The following IPCEF1 variants were observed in gnomAD, a reference collection of about 807,000 sequenced individuals.
The protein encoded by IPCEF1 is interactor protein for cytohesin exchange factors 1.
Under a neutral mutation model 50.9 loss-of-function variants are expected in IPCEF1, and 31 were observed. The ratio of observed to expected loss-of-function variants is 0.61; its 90% CI spans 0.46 to 0.82. IPCEF1 has a LOEUF of 0.82. Ranked by LOEUF, IPCEF1 falls within the 40% of genes least tolerant of loss-of-function variation. The probability of loss-of-function intolerance (pLI) is 0.00; values close to 1 mark genes in which losing one functional copy is unlikely to be tolerated. For synonymous variants in IPCEF1, 181 were observed against 192.0 expected (o/e 0.94, Z 0.47); for missense variants, 458 against 514.0 (o/e 0.89, Z 1.05).
intron 5 of IPCEF1, among the ~76,000 whole-genome samples, chr6:154,232,505 G>GAAC (rs771105446): frequency 1.3e-5 from 2 of 152,130 alleles, no homozygotes; most frequent in Non-Finnish European, 2.9e-5. Flanking sequence ...TATACCATGG[G>GAAC]AACCATCATG....
chr6:154,214,444 A>C (rs9478526), intron 7 of IPCEF1, 168 bp from the exon 8 acceptor site: 40,607 of 636,696 alleles, frequency 0.064, 1,687 homozygotes, highest in African/African-American at 0.14. Context: ...CTGGTTTCAC[A>C]ATACTTTCCA....
At chr6:154,221,182 A>T in intron 7 of IPCEF1, 75 bp downstream of exon 7, 1 of 1,040,588 alleles carries the variant, frequency 9.6e-7, no homozygotes, top group Non-Finnish European at 1.5e-6. Flanking sequence ...TGGACATATG[A>T]TTAGAATTCC....
intron 1 of IPCEF1, among the ~76,000 whole-genome samples, chr6:154,331,711 C>T (rs1783677181): frequency 6.6e-6 from 1 of 152,100 alleles, no homozygotes; most frequent in South Asian, 2.1e-4. Flanking sequence ...TGGTATATGA[C>T]CTTCCTTGAG....
At chr6:154,272,204 A>C (rs955687342) in intron 2 of IPCEF1, among the ~76,000 whole-genome samples, 2 of 152,272 alleles carry the variant, frequency 1.3e-5, no homozygotes, top group African/African-American at 2.4e-5. Flanking sequence ...ACAAGTGTGC[A>C]TGCTTAGTAA....
intron 1 of IPCEF1, among the ~76,000 whole-genome samples, chr6:154,338,166 C>T (rs945289917): frequency 1.3e-5 from 2 of 152,224 alleles, no homozygotes; most frequent in Admixed American, 1.3e-4. Context: ...CTTCATGCCT[C>T]CCAGCCTGGG....
In IPCEF1 at chr6:154,157,894, A is replaced by C. The variant is rs1285114900; in HGVS notation, c.*1934T>G. 3.9e-5 allele frequency: 6 copies of C among 151,982 alleles called. No homozygotes were observed. The highest frequency in any genetic ancestry group is 8.8e-5 in the Non-Finnish European group (6 of 68,064). The allele number at this position is 151,982 out of a possible 1,614,324, so 9.4% of individuals were successfully genotyped here. ...TCCTAAACCAGGGCATCAGGGTGCAATCTGAGGATCTGAATGTTCTCTCTG... is the reference window on the plus strand; with the variant it reads ...TCCTAAACCAGGGCATCAGGGTGCACTCTGAGGATCTGAATGTTCTCTCTG... On this transcript the variant is annotated 3_prime_UTR_variant, in exon 12 of 12. Coordinates refer to ENST00000367220, the MANE Select transcript of IPCEF1 (RefSeq NM_001130700.2).
rs1454337177 is a variant in IPCEF1 at position 154,159,132 on chromosome 6, T to C, written c.*696A>G. The C allele has an allele frequency of 6.6e-6, 1 of 152,274 alleles. No individual in the cohort carries two copies. Among genetic ancestry groups the C allele is most frequent in the Non-Finnish European group, 1.5e-5 (1 of 68,078 alleles). 9.4% of individuals were successfully genotyped at this position (152,274 alleles called of 1,614,324 possible). On this transcript the variant is annotated 3_prime_UTR_variant, in exon 12 of 12. Transcript: ENST00000367220. ...TCTCCAATTGTGATGAGATGTTTTC[T>C]CTAGCTGTTGTAAGGAAAGGAAACA...
chr6:154,219,200 C>T (rs1778649204), intron 7 of IPCEF1: 1 of 152,184 alleles, frequency 6.6e-6, no homozygotes, highest in Non-Finnish European at 1.5e-5. Flanking sequence ...GGAAGGGTCT[C>T]ACACTTTCAT....
At chr6:154,177,658 T>C (rs1800456029) in intron 10 of IPCEF1, among the ~76,000 whole-genome samples, 2 of 152,178 alleles carry the variant, frequency 1.3e-5, no homozygotes, top group Non-Finnish European at 2.9e-5. Context: ...GGAGAGGATG[T>C]GGAGAAATAG....
chr6:154,187,359 C>A (rs34802185), intron 10 of IPCEF1, among the ~76,000 whole-genome samples: 13,616 of 152,194 alleles, frequency 0.089, 889 homozygotes, highest in African/African-American at 0.18. Context: ...TGTTTCCCTA[C>A]CAGTCTCTCC....
intron 1 of IPCEF1, among the ~76,000 whole-genome samples, chr6:154,290,237 G>A (rs1782479248): frequency 6.6e-6 from 1 of 152,172 alleles, no homozygotes; most frequent in East Asian, 1.9e-4. Flanking sequence ...AGGGAAAAAT[G>A]CCTCAAGTGA....
intron 1 of IPCEF1, among the ~76,000 whole-genome samples, chr6:154,333,822 T>C (rs1783731311): frequency 6.6e-6 from 1 of 151,996 alleles, no homozygotes. Context: ...TGTAAATATA[T>C]ATATACATAT....
chr6:154,192,318 C>CTGTGTGTGTGTG (rs56231733), intron 10 of IPCEF1, among the ~76,000 whole-genome samples: 1,877 of 148,068 alleles, frequency 0.013, 29 homozygotes, highest in African/African-American at 0.034. Flanking sequence ...CACGTGGTTA[C>CTGTGTGTGTGTG]TGTGTGTGTG....
At chr6:154,247,625 C>T (rs557258785) in intron 3 of IPCEF1, 137 bp from the exon 4 acceptor site, 9 of 608,912 alleles carry the variant, frequency 1.5e-5, no homozygotes, top group African/African-American at 3.7e-5. Context: ...CAGAGCTTAA[C>T]GGGGAGCTAC....
chr6:154,296,765 T>C (rs898429683), intron 1 of IPCEF1, among the ~76,000 whole-genome samples: 3 of 148,672 alleles, frequency 2.0e-5, no homozygotes, highest in Non-Finnish European at 3.0e-5. Context: ...GGAGGCGGAG[T>C]TTGCAGTGAG....
chr6:154,211,689 T>C (rs112910885), intron 9 of IPCEF1, among the ~76,000 whole-genome samples: 4 of 152,160 alleles, frequency 2.6e-5, no homozygotes, highest in African/African-American at 4.8e-5. Flanking sequence ...CAAAGAGAAA[T>C]TGTGGAACAG....
At chr6:154,227,305 T>A (rs946147868) in intron 5 of IPCEF1, among the ~76,000 whole-genome samples, 3 of 152,230 alleles carry the variant, frequency 2.0e-5, no homozygotes, top group Non-Finnish European at 4.4e-5. Context: ...TATGGCATGA[T>A]TAGTTTCTAG....
intron 11 of IPCEF1, 86 bp downstream of exon 11, chr6:154,167,834 C>CTGTGAT: frequency 1.0e-6 from 1 of 998,084 alleles, no homozygotes; most frequent in Non-Finnish European, 1.5e-6. Flanking sequence ...CACAAACATG[C>CTGTGAT]TGTGATTAGC....
intron 3 of IPCEF1, among the ~76,000 whole-genome samples, chr6:154,255,599 C>T (rs1781441374): frequency 6.6e-6 from 1 of 152,146 alleles, no homozygotes; most frequent in Non-Finnish European, 1.5e-5. Flanking sequence ...TTTAAAAGGT[C>T]TTCAAATCAT....
Sources: gnomAD v4.1 joint callset for allele counts (sites outside exome capture counted in the v4.1 genomes callset) on GRCh38, gnomAD v4.1.1 for gene constraint, MANE v1.5 for transcripts, NCBI Gene and HGNC (gene_info 2026-07-23, HGNC 2026-07-21) for gene names.